The following KCNIP1 variants were observed in gnomAD, a reference collection of about 807,000 sequenced individuals.
The protein encoded by KCNIP1 is potassium voltage-gated channel interacting protein 1, also known as A-type potassium channel modulatory protein KCNIP1.
A neutral mutation model predicts 33.0 loss-of-function variants in KCNIP1; 18 were observed. The observed-to-expected ratio is 0.55, with a 90% CI of 0.38 to 0.81. The LOEUF is 0.81. Among genes scored for constraint, KCNIP1 ranks in the 30% least tolerant of loss-of-function variants. The pLI is 0.00. For missense variants in KCNIP1, 238 were observed against 271.6 expected (o/e 0.88, Z 0.87); for synonymous variants, 93 against 98.3 (o/e 0.95, Z 0.32).
At chr5:170,565,801 G>T (rs1239916370) in intron 1 of KCNIP1, among the ~76,000 whole-genome samples, 1 of 152,180 alleles carries the variant, frequency 6.6e-6, no homozygotes, top group Non-Finnish European at 1.5e-5. Flanking sequence ...AACAATGTCT[G>T]TTTGCCAGGA....
chr5:170,620,537 GGCTAC>G (rs1759561532), intron 1 of KCNIP1, among the ~76,000 whole-genome samples: 1 of 152,130 alleles, frequency 6.6e-6, no homozygotes, highest in Admixed American at 6.5e-5. Context: ...CCTGGGGAGG[GGCTAC>G]GCATCACAGA....
chr5:170,479,156 A>G (rs944585531), intron 1 of KCNIP1, among the ~76,000 whole-genome samples: 7 of 152,214 alleles, frequency 4.6e-5, no homozygotes, highest in African/African-American at 1.4e-4. Context: ...CTGAGCAGGT[A>G]ATGGTCTATG....
At chr5:170,543,243 G>A (rs773748929) in intron 1 of KCNIP1, among the ~76,000 whole-genome samples, 2 of 152,126 alleles carry the variant, frequency 1.3e-5, no homozygotes, top group African/African-American at 2.4e-5. Flanking sequence ...TGTTTATCAG[G>A]TAAAAGAAAG....
At chr5:170,589,449 A>G (rs1039986318) in intron 1 of KCNIP1, among the ~76,000 whole-genome samples, 2 of 152,224 alleles carry the variant, frequency 1.3e-5, no homozygotes, top group African/African-American at 2.4e-5. Context: ...ACTCAGTGCC[A>G]GGTATTGTTG....
chr5:170,408,520 A>C (rs17740022), intron 1 of KCNIP1, among the ~76,000 whole-genome samples: 7,369 of 152,180 alleles, frequency 0.048, 233 homozygotes, highest in East Asian at 0.14. Context: ...GAGGGGGAAA[A>C]ACACCTCGCA....
chr5:170,629,798 T>G (rs1448326198), intron 1 of KCNIP1, among the ~76,000 whole-genome samples: 1 of 152,202 alleles, frequency 6.6e-6, no homozygotes, highest in Non-Finnish European at 1.5e-5. Context: ...CCCAGACATA[T>G]GAGTGAAATG....
At chr5:170,711,474 T>G (rs1458445654) in intron 1 of KCNIP1, among the ~76,000 whole-genome samples, 1 of 152,246 alleles carries the variant, frequency 6.6e-6, no homozygotes, top group Non-Finnish European at 1.5e-5. Flanking sequence ...CGTAATGCTG[T>G]AACAGTGGAT....
intron 1 of KCNIP1, among the ~76,000 whole-genome samples, chr5:170,560,515 T>C (rs1757000331): frequency 6.6e-6 from 1 of 152,086 alleles, no homozygotes; most frequent in African/African-American, 2.4e-5. Context: ...CTGGACTCCT[T>C]CATGGGAGCT....
chr5:170,564,534 C>T (rs1324455695), intron 1 of KCNIP1, among the ~76,000 whole-genome samples: 2 of 152,194 alleles, frequency 1.3e-5, no homozygotes, highest in African/African-American at 4.8e-5. Flanking sequence ...AGATTCCTAG[C>T]TTTTCCCCAC....
intron 1 of KCNIP1, among the ~76,000 whole-genome samples, chr5:170,466,937 G>A (rs1204979535): frequency 6.6e-6 from 1 of 152,190 alleles, no homozygotes; most frequent in East Asian, 1.9e-4. Context: ...ATACAAGGAT[G>A]ATTTCATGGA....
At chr5:170,396,716 G>A (rs993695510) in intron 1 of KCNIP1, among the ~76,000 whole-genome samples, 1 of 152,166 alleles carries the variant, frequency 6.6e-6, no homozygotes, top group African/African-American at 2.4e-5. Flanking sequence ...CCACGAAGGG[G>A]GGTTATGGAA....
intron 1 of KCNIP1, among the ~76,000 whole-genome samples, chr5:170,588,938 A>G (rs947782682): frequency 5.9e-5 from 9 of 151,474 alleles, no homozygotes; most frequent in Non-Finnish European, 1.2e-4. Context: ...AAATGGGTGT[A>G]ATAATTGTGC....
intron 1 of KCNIP1, among the ~76,000 whole-genome samples, chr5:170,706,242 C>T (rs991853905): frequency 9.2e-5 from 14 of 152,188 alleles, no homozygotes; most frequent in African/African-American, 3.4e-4. Flanking sequence ...GGGCCTAAGC[C>T]TACCCTCTGA....
chr5:170,627,566 C>T (rs762397780), intron 1 of KCNIP1, among the ~76,000 whole-genome samples: 1 of 152,244 alleles, frequency 6.6e-6, no homozygotes, highest in Non-Finnish European at 1.5e-5. Context: ...TGCTCAGGAC[C>T]CTGGCTGACC....
chr5:170,444,701 A>T lies in KCNIP1; in HGVS notation c.88+90737A>T, dbSNP rs545566674. ...ACAAATTATATTTTTTCTTTTTTTA[A>T]AAAAAAAAAAAAACCTTCTTCCCCA... On this transcript the variant is annotated intron_variant, in intron 1 of 7. Transcript: ENST00000377360. 7.2e-3 allele frequency among the ~76,000 whole-genome samples: 1,065 copies of T among 147,146 alleles called. 11 individuals are homozygous for T. The highest frequency in any genetic ancestry group is 0.021 in the African/African-American group (812 of 39,258).
At chr5:170,427,404 C>T (rs1755638916) in intron 1 of KCNIP1, among the ~76,000 whole-genome samples, 1 of 152,202 alleles carries the variant, frequency 6.6e-6, no homozygotes, top group Admixed American at 6.5e-5. Context: ...ACAACCATCT[C>T]ATCTAATCCT....
At chr5:170,567,479 G>T (rs940294790) in intron 1 of KCNIP1, among the ~76,000 whole-genome samples, 2 of 152,200 alleles carry the variant, frequency 1.3e-5, no homozygotes, top group African/African-American at 4.8e-5. Context: ...AGTCAGTCAG[G>T]AGATGAGGAT....
intron 1 of KCNIP1, among the ~76,000 whole-genome samples, chr5:170,585,961 GA>G (rs1204590301): frequency 6.6e-6 from 1 of 152,220 alleles, no homozygotes. Flanking sequence ...CCTTGGCCCT[GA>G]AGAGCGTAGT....
At chr5:170,711,803 GT>G (rs1276615034) in intron 1 of KCNIP1, among the ~76,000 whole-genome samples, 7 of 152,194 alleles carry the variant, frequency 4.6e-5, no homozygotes, top group African/African-American at 1.7e-4. Context: ...AGCAAAGTAA[GT>G]GTCTCACGTG....
Sources: gnomAD v4.1 joint callset for allele counts (sites outside exome capture counted in the v4.1 genomes callset) on GRCh38, gnomAD v4.1.1 for gene constraint, MANE v1.5 for transcripts, NCBI Gene and HGNC (gene_info 2026-07-23, HGNC 2026-07-21) for gene names.